Variants in CYP46A1 observed in about 807,000 individuals in gnomAD.
CYP46A1 encodes cytochrome P450 family 46 subfamily A member 1, also known as cholesterol 24-hydroxylase.
Under a neutral mutation model 63.3 loss-of-function variants are expected in CYP46A1, and 20 were observed. That is an observed-to-expected ratio of 0.32 (90% CI 0.22 to 0.46). The LOEUF is 0.46. Ranked by LOEUF, CYP46A1 falls within the 20% of genes least tolerant of loss-of-function variation. The pLI, the probability that CYP46A1 is intolerant of heterozygous loss-of-function variation, is 1.00. For synonymous variants in CYP46A1, 268 were observed against 273.6 expected (o/e 0.98, Z 0.20); for missense variants, 445 against 670.8 (o/e 0.66, Z 3.72).
chr14:99,721,567 G>A (rs60712575), intron 11 of CYP46A1, among the ~76,000 whole-genome samples: 4,804 of 152,214 alleles, frequency 0.032, 270 homozygotes, highest in African/African-American at 0.11. Flanking sequence ...AAATGGTGCC[G>A]TATTTGTGCT....
chr14:99,687,991 T>C (rs1027043050), intron 1 of CYP46A1, among the ~76,000 whole-genome samples: 45 of 148,578 alleles, frequency 3.0e-4, no homozygotes, highest in Admixed American at 5.3e-4. Context: ...GGGTTTTTTT[T>C]CCCCTTTCTT....
At chr14:99,721,360 G>A in intron 11 of CYP46A1, 37 bp downstream of exon 11, 1 of 1,393,206 alleles carries the variant, frequency 7.2e-7, no homozygotes, top group Non-Finnish European at 1.0e-6. Flanking sequence ...GGGCGGATGT[G>A]GGTGATCATG....
At chr14:99,699,693 C>T (rs2056614188) in intron 4 of CYP46A1, among the ~76,000 whole-genome samples, 154 bp downstream of exon 4, 1 of 152,178 alleles carries the variant, frequency 6.6e-6, no homozygotes. Context: ...TGGCCCCACT[C>T]TTGTCACGAG....
chr14:99,707,714 C>T, intron 7 of CYP46A1, 36 bp downstream of exon 7: 2 of 1,588,718 alleles, frequency 1.3e-6, no homozygotes, highest in South Asian at 2.2e-5. Context: ...GACCAGCCAC[C>T]AGAGCTGTTG....
chr14:99,711,725 A>C (rs1477862406), intron 7 of CYP46A1: 2 of 152,146 alleles, frequency 1.3e-5, no homozygotes, highest in African/African-American at 2.4e-5. Flanking sequence ...AATTCTTCTC[A>C]AACTATTCCA....
rs2056911186 is a variant in CYP46A1 at position 99,727,099 on chromosome 14, C to T, written c.*372C>T. 1 of 236,116 alleles carries T rather than the reference C, an allele frequency of 4.2e-6. No individual in the cohort carries two copies. The highest frequency in any genetic ancestry group is 5.7e-5 in the Admixed American group (1 of 17,674). The allele number at this position is 236,116 out of a possible 1,614,324, so 14.6% of individuals were successfully genotyped here. On this transcript the variant is annotated 3_prime_UTR_variant, in exon 15 of 15. Coordinates refer to ENST00000261835, the MANE Select transcript of CYP46A1 (RefSeq NM_006668.2). Reference sequence around the variant, plus strand: ...CACCCCCCGCCGGCAGGGGCCCCTCCTCTGTGCTCCCTCGGTCACCTGTGC... The same window carrying T: ...CACCCCCCGCCGGCAGGGGCCCCTCTTCTGTGCTCCCTCGGTCACCTGTGC...
At chr14:99,692,191 C>G (rs931095872) in intron 3 of CYP46A1, among the ~76,000 whole-genome samples, 3 of 152,206 alleles carry the variant, frequency 2.0e-5, no homozygotes, top group Non-Finnish European at 2.9e-5. Context: ...ATAACTCTAT[C>G]TCCAGGGCTA....
At chr14:99,707,083 G>A (rs1013309681) in intron 6 of CYP46A1, among the ~76,000 whole-genome samples, 4 of 152,156 alleles carry the variant, frequency 2.6e-5, no homozygotes, top group Non-Finnish European at 5.9e-5. Flanking sequence ...CAGCCCAAAG[G>A]CTGCCTTCCC....
chr14:99,704,670 T>A (rs2056660042), intron 5 of CYP46A1, among the ~76,000 whole-genome samples: 1 of 152,202 alleles, frequency 6.6e-6, no homozygotes, highest in Admixed American at 6.5e-5. Flanking sequence ...ATCTGGATAA[T>A]CAACTTAAAT....
rs2056858829 is a variant in CYP46A1, at chr14:99,722,672, T to C, written c.1176+606T>C. Reference sequence around the variant, plus strand: ...GTGTGTGTGTGTGTGTGTGTGTGTGTGTGTGTGCCTGTGTGCATTCACGCA... The same window carrying C: ...GTGTGTGTGTGTGTGTGTGTGTGTGCGTGTGTGCCTGTGTGCATTCACGCA... On this transcript the variant is annotated intron_variant, in intron 12 of 14. Coordinates refer to ENST00000261835, the MANE Select transcript of CYP46A1 (RefSeq NM_006668.2). This position sits in a 1 kb window ranked among gnomAD's most constrained non-coding sequence, Gnocchi z 4.6. Among the ~76,000 whole-genome samples the C allele has an allele frequency of 6.6e-6, 1 of 151,738 alleles. No individual in the cohort carries two copies. Among genetic ancestry groups the C allele is most frequent in the Non-Finnish European group, 1.5e-5 (1 of 67,960 alleles).
chr14:99,694,377 T>C (rs1348699915), intron 3 of CYP46A1, among the ~76,000 whole-genome samples: 1 of 151,638 alleles, frequency 6.6e-6, no homozygotes, highest in African/African-American at 2.4e-5. Context: ...TTTTCTTTTT[T>C]TTTTTTTTTC....
At chr14:99,695,985 A>G (rs894977906) in intron 3 of CYP46A1, among the ~76,000 whole-genome samples, 6 of 151,886 alleles carry the variant, frequency 4.0e-5, no homozygotes, top group Admixed American at 1.3e-4. Flanking sequence ...TTTCTGTTAT[A>G]TTACTTTTAA....
At chr14:99,715,737 C>T (rs1401209543) in intron 7 of CYP46A1, 73 bp from the exon 8 acceptor site, 6 of 1,595,272 alleles carry the variant, frequency 3.8e-6, no homozygotes, top group East Asian at 4.5e-5. Flanking sequence ...AACGTCATTT[C>T]GGGGTGGTGG....
chr14:99,725,430 G>C lies in CYP46A1; in HGVS notation c.1216G>C (p.Glu406Gln). Residue 406 changes from glutamate to glutamine, a missense_variant, in exon 13 of 15, where the codon GAG (glutamate) becomes CAG (glutamine). By Grantham distance (29) the Glu-to-Gln change is conservative. This residue lies in a region of CYP46A1 where 95 missense variants were observed against 156.9 expected (regional missense o/e 0.61). Transcript: ENST00000261835. This position sits in a 1 kb window ranked among gnomAD's most constrained non-coding sequence, Gnocchi z 4.2. ...CATGGGGCGGATGGACACATACTTT[G>C]AGGACCCGCTGACTTTCAACCCCGA... ...YVMGRMDTYF[E>Q]DPLTFNPDRF... 6.2e-7 allele frequency: 1 copy of C among 1,614,184 alleles called. No individual in the cohort carries two copies. Among genetic ancestry groups the C allele is most frequent in the Non-Finnish European group, 8.5e-7 (1 of 1,180,022 alleles).
In CYP46A1 at chr14:99,716,212, G is replaced by T. The variant is rs200047691; in HGVS notation, c.907+13G>T. Reference sequence around the variant, plus strand: ...TTCTTCATTGCTGGTTTGTAGCTTTGGCGGTGGCCAAGGGCCCGGAGCTCT... The same window carrying T: ...TTCTTCATTGCTGGTTTGTAGCTTTTGCGGTGGCCAAGGGCCCGGAGCTCT... On this transcript the variant is annotated intron_variant, in intron 9 of 14. Coordinates refer to ENST00000261835, the MANE Select transcript of CYP46A1 (RefSeq NM_006668.2). 1.2e-6 allele frequency: 2 copies of T among 1,614,148 alleles called. No individual in the cohort carries two copies. Among genetic ancestry groups the T allele is most frequent in the Admixed American group, 3.3e-5 (2 of 60,030 alleles).
intron 3 of CYP46A1, chr14:99,693,794 G>A (rs975211760): frequency 2.6e-5 from 4 of 151,966 alleles, no homozygotes; most frequent in Admixed American, 1.3e-4. Flanking sequence ...ATTTAATTTT[G>A]TTTACATTGT....
chr14:99,691,028 A>T (rs2056538816), intron 1 of CYP46A1, 53 bp from the exon 2 acceptor site: 2 of 1,542,160 alleles, frequency 1.3e-6, no homozygotes, highest in Admixed American at 3.3e-5. Flanking sequence ...TGGGGAAGGG[A>T]GCGTTCTTTC....
chr14:99,726,752 T>C lies in CYP46A1; in HGVS notation c.*25T>C. ...AGGGGGCCTCCAGGCAGGACGAGAC[T>C]CCTCGGGCAAGGGCCGTGCCCGCCC... is the stretch of plus-strand genomic sequence containing the variant. On this transcript the variant is annotated 3_prime_UTR_variant, in exon 15 of 15. Transcript: ENST00000261835. 6.7e-7 allele frequency: 1 copy of C among 1,483,562 alleles called. No individual in the cohort carries two copies. The highest frequency in any genetic ancestry group is 9.0e-7 in the Non-Finnish European group (1 of 1,112,232). The allele number at this position is 1,483,562 out of a possible 1,614,324, so 91.9% of individuals were successfully genotyped here. A position where few individuals can be genotyped will look rare whatever the true frequency, so the allele number is the denominator to read the frequency against.
At chr14:99,701,537 G>A (rs1410903305) in intron 5 of CYP46A1, among the ~76,000 whole-genome samples, 3 of 152,206 alleles carry the variant, frequency 2.0e-5, no homozygotes, top group Non-Finnish European at 4.4e-5. Context: ...GTTTGTGTAA[G>A]TATACTCTAT....
Sources: allele counts gnomAD v4.1 joint callset (sites outside exome capture counted in the v4.1 genomes callset), GRCh38; gene constraint gnomAD v4.1.1; regional missense constraint gnomAD v4.1.1; non-coding constraint Gnocchi (gnomAD v3.1); transcripts MANE v1.5; gene names NCBI Gene and HGNC (gene_info 2026-07-23, HGNC 2026-07-21).